Variants in ABR observed in about 807,000 individuals in gnomAD.
The protein encoded by ABR is ABR activator of RhoGEF and GTPase.
Under a neutral mutation model 107.2 loss-of-function variants are expected in ABR, and 35 were observed. The ratio of observed to expected loss-of-function variants is 0.33; its 90% confidence interval spans 0.25 to 0.43. The LOEUF (loss-of-function observed/expected upper bound fraction) is 0.43, where lower values mean the gene tolerates loss of function less well. Ranked by LOEUF, ABR falls within the 20% of genes least tolerant of loss-of-function variation. ABR has a pLI of 1.00. For synonymous variants in ABR, 498 were observed against 462.0 expected, an observed-to-expected ratio of 1.08 and a Z score of -1.00; for missense variants, 815 against 1,115.2, an observed-to-expected ratio of 0.73 and a Z score of 3.83.
chr17:1,108,851 G>A, intron 2 of ABR: 3 of 1,438,050 alleles, frequency 2.1e-6, no homozygotes, highest in Non-Finnish European at 1.8e-6. Context: ...CGCGCTCTGC[G>A]CCCGCATCAG....
chr17:1,197,090 G>A (rs763856175), intron 1 of ABR, among the ~76,000 whole-genome samples: 4 of 151,480 alleles, frequency 2.6e-5, no homozygotes, highest in African/African-American at 4.9e-5. Flanking sequence ...CTGGACAGAC[G>A]CATCCTGCAA....
chr17:1,175,399 G>A (rs1274640132), intron 1 of ABR, among the ~76,000 whole-genome samples: 3 of 152,152 alleles, frequency 2.0e-5, no homozygotes, highest in Non-Finnish European at 2.9e-5. Flanking sequence ...GCGAGAGAGC[G>A]AGACTCTGTC....
Position 1,162,693 on chromosome 17 carries a change from A to G in ABR, c.61+16974T>C, listed in dbSNP as rs568887154. On this transcript the variant is annotated intron_variant, in intron 1 of 22. Transcript: ENST00000302538. ...TCTCATCCCAGCACTTTGAAAGGCT[A>G]GGCCAAGCACAGTGGCTCACACCTG... is the stretch of plus-strand genomic sequence containing the variant. 2.0e-5 allele frequency among the ~76,000 whole-genome samples: 3 copies of G among 150,846 alleles called. No individual in the cohort carries two copies. In the South Asian group the frequency reaches 6.3e-4, roughly 31 times the overall value.
At position 1,009,696 on chromosome 17, in the gene ABR, C is replaced by G. The variant is rs754252061; in HGVS notation, c.2325G>C (p.Leu775=). The G allele has an allele frequency of 1.9e-6, 3 of 1,613,762 alleles. No individual in the cohort carries two copies. In the Admixed American group the frequency reaches 5.0e-5, roughly 27 times the overall value. The change falls in exon 21 of 23, where the codon CTG becomes CTC. Residue 775 remains leucine (L), a synonymous_variant. Coordinates refer to ENST00000302538, the MANE Select transcript of ABR (RefSeq NM_021962.5). ...PDPNLITFLF[L]LEHLKRVAEK... is the part of the protein sequence containing the mutation. ...CCCGTTACCTTTTCAAGTGTTCCAG[C>G]AGGAAGAGGAAGGTGATGAGGTTGG...
chr17:1,124,384 G>A lies in ABR; in HGVS notation c.246+799C>T, dbSNP rs536407557. On this transcript the variant is annotated intron_variant, in intron 2 of 22. Transcript: ENST00000302538. The stretch of plus-strand genomic sequence containing the variant: ...CAAGCAAGGATGGGGCACTCCCACC[G>A]CCTCCTGCAACACACACCCCCCACA... Among the ~76,000 whole-genome samples, 302 of 152,186 alleles carry A rather than the reference G, an allele frequency of 2.0e-3. 3 individuals are homozygous for A. Among genetic ancestry groups the A allele is most frequent in the African/African-American group, 1.8e-3 (75 of 41,522 alleles).
intron 1 of ABR, among the ~76,000 whole-genome samples, chr17:1,193,523 C>T (rs947674719): frequency 3.9e-5 from 6 of 152,138 alleles, no homozygotes; most frequent in East Asian, 1.9e-4. Context: ...GGGTCTGGCT[C>T]GGTCCAGAGC....
At chr17:1,098,062 G>A (rs905239978) in intron 3 of ABR, among the ~76,000 whole-genome samples, 10 of 151,366 alleles carry the variant, frequency 6.6e-5, no homozygotes, top group Admixed American at 3.3e-4. Context: ...CCCAAAGCCA[G>A]CAGTTTTCTT....
chr17:1,173,376 C>G (rs565050148), intron 1 of ABR, among the ~76,000 whole-genome samples: 3 of 142,252 alleles, frequency 2.1e-5, no homozygotes, highest in Admixed American at 7.0e-5. Context: ...CAGCCCACCC[C>G]CCACACATCA....
chr17:1,034,995 T>C (rs988901946), intron 16 of ABR, among the ~76,000 whole-genome samples: 2 of 151,990 alleles, frequency 1.3e-5, no homozygotes, highest in African/African-American at 4.8e-5. Context: ...CTGGTCTCCA[T>C]GGTGACATAA....
intron 1 of ABR, among the ~76,000 whole-genome samples, chr17:1,227,521 C>T (rs145411306): frequency 2.0e-4 from 30 of 152,356 alleles, no homozygotes; most frequent in African/African-American, 7.0e-4. Flanking sequence ...TTGATCAAAA[C>T]AGATGACTTG....
intron 1 of ABR, among the ~76,000 whole-genome samples, chr17:1,147,364 GTTT>G (rs553493542): frequency 7.1e-6 from 1 of 141,686 alleles, no homozygotes; most frequent in Non-Finnish European, 1.5e-5. Context: ...GGTTTTGGTT[GTTT>G]TTTTTTTTTT....
chr17:1,088,312 C>T (rs924711521), intron 4 of ABR, among the ~76,000 whole-genome samples: 11 of 152,070 alleles, frequency 7.2e-5, no homozygotes, highest in Non-Finnish European at 1.6e-4. Context: ...AGGATGCCCC[C>T]CAGGCCACTC....
At chr17:1,108,396 C>T (rs1459148957) in intron 2 of ABR, among the ~76,000 whole-genome samples, 1 of 152,254 alleles carries the variant, frequency 6.6e-6, no homozygotes, top group Non-Finnish European at 1.5e-5. Context: ...GCAGATGCTC[C>T]CTGCCTGTCC....
At chr17:1,175,326 C>G (rs1373808786) in intron 1 of ABR, among the ~76,000 whole-genome samples, 3 of 152,024 alleles carry the variant, frequency 2.0e-5, no homozygotes, top group Non-Finnish European at 4.4e-5. Context: ...GCAGGAGAAT[C>G]GCTTGAACCG....
intron 21 of ABR, 64 bp from the exon 22 acceptor site, chr17:1,007,376 C>G: frequency 6.3e-7 from 1 of 1,594,058 alleles, no homozygotes; most frequent in Non-Finnish European, 8.6e-7. Flanking sequence ...GCTCCAGGAC[C>G]CTTGGCCTTC....
At chr17:1,190,536 A>G (rs2042409393), upstream of ABR, among the ~76,000 whole-genome samples, 1 of 152,204 alleles carries the variant, frequency 6.6e-6, no homozygotes, top group Non-Finnish European at 1.5e-5. Context: ...CAGGAGACTG[A>G]GGCAGGAGAA....
intron 5 of ABR, among the ~76,000 whole-genome samples, chr17:1,081,062 G>A (rs994881410): frequency 3.3e-5 from 5 of 152,132 alleles, no homozygotes; most frequent in African/African-American, 1.2e-4. Flanking sequence ...TTCTGCCTAG[G>A]CACAGAGAAC....
rs993399403 is a variant in ABR, at chr17:1,027,232, G to A, written c.1792-14068C>T. Among the ~76,000 whole-genome samples, 21 of 152,264 alleles carry A rather than the reference G, an allele frequency of 1.4e-4. No individual in the cohort carries two copies. The highest frequency in any genetic ancestry group is 1.2e-3 in the East Asian group (6 of 5,152). On this transcript the variant is annotated intron_variant, in intron 16 of 22. Transcript: ENST00000302538. The surrounding 1 kb of genome is among the most constrained non-coding windows in gnomAD (Gnocchi z 4.7). ...AGCCATCCAAAAGCTGGGGCACCGC[G>A]CCCAGCACCGCTGGCTGGCCAAGCC...
intron 18 of ABR, chr17:1,012,281 C>T (rs1567565905): frequency 4.6e-6 from 3 of 645,982 alleles, no homozygotes; most frequent in Non-Finnish European, 8.6e-6. Context: ...TGTAGGAGGC[C>T]CAGCAGGCAG....
Sources: allele counts gnomAD v4.1 joint callset (sites outside exome capture counted in the v4.1 genomes callset), GRCh38; gene constraint gnomAD v4.1.1; non-coding constraint Gnocchi (gnomAD v3.1); transcripts MANE v1.5; gene names NCBI Gene and HGNC (gene_info 2026-07-23, HGNC 2026-07-21).